SLC11A2: variants seen among roughly 807,000 people sequenced by gnomAD.
SLC11A2 encodes the protein solute carrier family 11 member 2, also known as natural resistance-associated macrophage protein 2.
In SLC11A2, 38 loss-of-function variants were observed where a neutral mutation model predicts 68.0. The observed-to-expected ratio is 0.56, with a 90% confidence interval of 0.43 to 0.73. The LOEUF (loss-of-function observed/expected upper bound fraction) is 0.73. Among genes scored for constraint, SLC11A2 ranks in the 30% least tolerant of loss-of-function variants. The pLI, the probability that SLC11A2 is intolerant of heterozygous loss-of-function variation, is 0.00. For missense variants in SLC11A2, 517 were observed against 690.5 expected, an observed-to-expected ratio of 0.75 and a Z score of 2.82; for synonymous variants, 242 against 250.6, an observed-to-expected ratio of 0.97 and a Z score of 0.32.
intron 2 of SLC11A2, 81 bp downstream of exon 2, chr12:51,010,614 G>T (rs868863880): frequency 2.4e-6 from 2 of 824,044 alleles, no homozygotes; most frequent in Middle Eastern, 4.4e-4. Context: ...GATGACAAGA[G>T]GAAAAATATG....
the SLC11A2 span, chr12:50,953,913 C>G: frequency 5.5e-6 from 4 of 728,918 alleles, no homozygotes; most frequent in South Asian, 7.3e-5. Flanking sequence ...AACACATAAT[C>G]AAGAGTATGA....
chr12:50,994,464 A>T lies in SLC11A2; in HGVS notation c.1077+80T>A. On this transcript the variant is annotated intron_variant, in intron 11 of 15. Transcript: ENST00000262052. ...CCAGAGGAGATATGCTCATATCTGA[A>T]GTGAAGTCACAAAAAAGACCACATA... 3 of 871,936 alleles carry T rather than the reference A, an allele frequency of 3.4e-6. No individual in the cohort carries two copies. In the South Asian group the frequency reaches 4.0e-5, roughly 12 times the overall value. The allele number at this position is 871,936 out of a possible 1,614,324, so 54.0% of individuals were successfully genotyped here.
the SLC11A2 span, among the ~76,000 whole-genome samples, chr12:50,957,499 A>C: frequency 1.3e-5 from 2 of 151,676 alleles, no homozygotes; most frequent in East Asian, 3.9e-4. Context: ...ATGCCCACCC[A>C]GCCTGCATTT....
chr12:50,970,507 A>G, the SLC11A2 span: 1 of 1,518,692 alleles, frequency 6.6e-7, no homozygotes, highest in East Asian at 2.4e-5. Context: ...CAAAAAATGA[A>G]GCTTACATGC....
chr12:50,960,685 C>T, the SLC11A2 span, among the ~76,000 whole-genome samples: 1 of 144,558 alleles, frequency 6.9e-6, no homozygotes, highest in African/African-American at 2.5e-5. Flanking sequence ...TTAACCCATA[C>T]ATTTTTTTTT....
chr12:50,996,305 T>C (rs956048409), intron 9 of SLC11A2, among the ~76,000 whole-genome samples: 2 of 152,180 alleles, frequency 1.3e-5, no homozygotes, highest in Non-Finnish European at 1.5e-5. Flanking sequence ...CTGGGTGCAG[T>C]AGCTCACGCC....
At chr12:50,983,894 G>C (rs1940295504), downstream of SLC11A2, among the ~76,000 whole-genome samples, 1 of 152,042 alleles carries the variant, frequency 6.6e-6, no homozygotes, top group African/African-American at 2.4e-5. Flanking sequence ...CTTGAACCTG[G>C]GAAGGGAAGG....
At chr12:50,955,649 A>G in the SLC11A2 span, among the ~76,000 whole-genome samples, 1 of 152,226 alleles carries the variant, frequency 6.6e-6, no homozygotes, top group African/African-American at 2.4e-5. Context: ...TCACATATCA[A>G]GAAAGAATCA....
Position 51,000,308 on chromosome 12 carries a change from C to T in SLC11A2, c.536+5G>A. On this transcript the variant is annotated splice_donor_5th_base_variant and intron_variant, in intron 6 of 15. Transcript: ENST00000262052. The stretch of plus-strand genomic sequence containing the variant: ...CTGATGACTTTCTAGAGGAAAACCC[C>T]TCACCTTCCTACAGACAGAAGATTG... 8.7e-6 allele frequency: 14 copies of T among 1,600,220 alleles called. No homozygotes were observed. Among genetic ancestry groups the T allele is most frequent in the Non-Finnish European group, 1.2e-5 (14 of 1,167,354 alleles).
At position 50,986,605 on chromosome 12, in the gene SLC11A2, CT is replaced by C. The variant is rs1353280800; in HGVS notation, c.*1719del. Reference sequence around the variant, plus strand: ...TTTGTCGTCAGTTTGGCCTTTCCTACTGCAGCCAGGTGAGAGCTTAAGATGT... The same window carrying C: ...TTTGTCGTCAGTTTGGCCTTTCCTACGCAGCCAGGTGAGAGCTTAAGATGT... On this transcript the variant is annotated 3_prime_UTR_variant, in exon 16 of 16. Transcript: ENST00000262052. 7.8e-7 allele frequency: 1 copy of C among 1,286,838 alleles called. No individual in the cohort carries two copies. Among genetic ancestry groups the C allele is most frequent in the Non-Finnish European group, 1.0e-6 (1 of 988,640 alleles). 79.7% of individuals were successfully genotyped at this position (1,286,838 alleles called of 1,614,324 possible).
chr12:51,021,898 C>G (rs1207888012), intron 1 of SLC11A2, among the ~76,000 whole-genome samples: 1 of 152,092 alleles, frequency 6.6e-6, no homozygotes, highest in African/African-American at 2.4e-5. Context: ...TGTGGCCAGG[C>G]TGTCAAGGAG....
At chr12:50,979,903 G>A, downstream of SLC11A2, 1 of 454,096 alleles carries the variant, frequency 2.2e-6, no homozygotes, top group Non-Finnish European at 4.4e-6. Context: ...TGCAGGATTT[G>A]CTGACTCAAC....
intron 9 of SLC11A2, among the ~76,000 whole-genome samples, chr12:50,996,312 C>T (rs777186008): frequency 6.6e-6 from 1 of 152,150 alleles, no homozygotes; most frequent in Non-Finnish European, 1.5e-5. Flanking sequence ...CAGTAGCTCA[C>T]GCCTGTAATC....
chr12:50,996,417 A>G (rs1941704293), intron 9 of SLC11A2, among the ~76,000 whole-genome samples: 1 of 152,118 alleles, frequency 6.6e-6, no homozygotes, highest in Admixed American at 6.5e-5. Context: ...TCTACTAAAA[A>G]TAGAAAAATT....
chr12:50,967,435 C>T, the SLC11A2 span, among the ~76,000 whole-genome samples: 1 of 152,124 alleles, frequency 6.6e-6, no homozygotes, highest in Non-Finnish European at 1.5e-5. Context: ...GCATGAGCTA[C>T]CAGACCTGGC....
chr12:50,988,455 C>A lies in SLC11A2; in HGVS notation c.1576-20G>T. 6.2e-7 allele frequency: 1 copy of A among 1,613,570 alleles called. No individual in the cohort carries two copies. The highest frequency in any genetic ancestry group is 1.1e-5 in the South Asian group (1 of 91,032). On this transcript the variant is annotated intron_variant, in intron 15 of 15. Coordinates refer to ENST00000262052, the MANE Select transcript of SLC11A2 (RefSeq NM_000617.3). The stretch of plus-strand genomic sequence containing the variant: ...CCAACCCTGAAAGACAAAATATGGT[C>A]ATCACTCACCAGGCTCTTTGAAGAG...
downstream of SLC11A2, among the ~76,000 whole-genome samples, chr12:50,975,279 T>C (rs927591502): frequency 1.3e-5 from 2 of 151,112 alleles, no homozygotes; most frequent in African/African-American, 4.9e-5. Context: ...ACAGAAATTA[T>C]AACAAACTGT....
intron 2 of SLC11A2, chr12:51,009,088 C>T (rs1231396177): frequency 1.6e-6 from 2 of 1,267,374 alleles, no homozygotes; most frequent in African/African-American, 2.9e-5. Context: ...GAAATGTCCT[C>T]CCCACCTCCT....
chr12:50,987,114 C>T lies in SLC11A2; in HGVS notation c.*1211G>A. ...CTGAAGTAAAAGCAGCAGCTTTGTG[C>T]TGAAGACACCCATTTCCTCTGACTC... On this transcript the variant is annotated 3_prime_UTR_variant, in exon 16 of 16. Transcript: ENST00000262052. 1 of 1,284,168 alleles carries T rather than the reference C, an allele frequency of 7.8e-7. No individual in the cohort carries two copies. The highest frequency in any genetic ancestry group is 1.0e-6 in the Non-Finnish European group (1 of 987,438). The allele number at this position is 1,284,168 out of a possible 1,614,324, so 79.5% of individuals were successfully genotyped here. A position where few individuals can be genotyped will look rare whatever the true frequency, so the allele number is the denominator to read the frequency against.
Sources: allele counts gnomAD v4.1 joint callset (sites outside exome capture counted in the v4.1 genomes callset), GRCh38; gene constraint gnomAD v4.1.1; transcripts MANE v1.5; gene names NCBI Gene and HGNC (gene_info 2026-07-23, HGNC 2026-07-21).